The following KCNG2 variants were observed in gnomAD, a reference collection of about 807,000 sequenced individuals.
KCNG2 encodes the protein potassium voltage-gated channel modifier subfamily G member 2.
A neutral mutation model predicts 12.3 loss-of-function variants in KCNG2; 7 were observed. That is an observed-to-expected ratio of 0.57 (90% CI 0.32 to 1.07). The LOEUF (loss-of-function observed/expected upper bound fraction) is 1.07, where lower values mean the gene tolerates loss of function less well. Among genes scored for constraint, KCNG2 ranks in the 50% least tolerant of loss-of-function variants. The pLI is 0.04. For missense variants in KCNG2, 703 were observed against 726.0 expected (o/e 0.97, Z 0.36); for synonymous variants, 414 against 351.4 (o/e 1.18, Z -1.99).
At chr18:79,872,181 T>G (rs1979859256) in intron 3 of KCNG2, among the ~76,000 whole-genome samples, 1 of 132,520 alleles carries the variant, frequency 7.5e-6, no homozygotes, top group Non-Finnish European at 1.6e-5. Flanking sequence ...ACAGATTTGA[T>G]GGGGAAAACA....
chr18:79,874,570 G>C (rs1979991486), intron 3 of KCNG2, among the ~76,000 whole-genome samples: 1 of 152,252 alleles, frequency 6.6e-6, no homozygotes, highest in African/African-American at 2.4e-5. Flanking sequence ...GTGCAAAGCG[G>C]GGGGCCCACC....
At chr18:79,850,185 G>A (rs774831431) in intron 1 of KCNG2, among the ~76,000 whole-genome samples, 1 of 151,830 alleles carries the variant, frequency 6.6e-6, no homozygotes, top group African/African-American at 2.4e-5. Flanking sequence ...CACATGCATG[G>A]ATACATGGAT....
chr18:79,858,070 G>A (rs1280481984), intron 2 of KCNG2, among the ~76,000 whole-genome samples: 3 of 152,140 alleles, frequency 2.0e-5, no homozygotes, highest in Admixed American at 6.5e-5. Flanking sequence ...GCGTGATCTT[G>A]TCTCACTGCA....
rs532936698 is a variant in KCNG2, at chr18:79,802,380, A to G, written c.-115+4366A>G. Among the ~76,000 whole-genome samples, 4 of 151,616 alleles carry G rather than the reference A, an allele frequency of 2.6e-5. No homozygotes were observed. In the East Asian group the frequency reaches 7.8e-4, roughly 29 times the overall value. ...CCGGTCCGGAGAGCCTGGCCTCAAC[A>G]CCTGTCCCAGCCGTGCTGCTCTGGT... On this transcript the variant is annotated intron_variant, in intron 1 of 3. Transcript: ENST00000316249.
In KCNG2 at chr18:79,863,798, A is replaced by C; in HGVS notation, c.131A>C (p.Glu44Ala). The C allele has an allele frequency of 7.6e-7, 1 of 1,309,296 alleles. No homozygotes were observed. Among genetic ancestry groups the C allele is most frequent in the South Asian group, 1.7e-5 (1 of 57,404 alleles). 81.1% of individuals were successfully genotyped at this position (1,309,296 alleles called of 1,614,324 possible). ...ALARCPLARL[E>A]RLRACRGHDD... ...GCGCGATGCCCCCTCGCGCGCCTGGAGCGCCTGCGCGCCTGCCGCGGCCAC... is the reference window on the plus strand; with the variant it reads ...GCGCGATGCCCCCTCGCGCGCCTGGCGCGCCTGCGCGCCTGCCGCGGCCAC... Residue 44 changes from glutamate (E) to alanine (A), a missense_variant, in exon 3 of 4, where the codon GAG becomes GCG. Physicochemically the swap from Glu to Ala is moderately radical, Grantham distance 107. Transcript: ENST00000316249.
intron 2 of KCNG2, among the ~76,000 whole-genome samples, chr18:79,861,000 T>C (rs1419650641): frequency 6.6e-6 from 1 of 152,214 alleles, no homozygotes; most frequent in Non-Finnish European, 1.5e-5. Flanking sequence ...GACCTAGTTA[T>C]TGATTGAGTT....
intron 3 of KCNG2, among the ~76,000 whole-genome samples, chr18:79,870,752 G>A (rs1288790097): frequency 6.6e-6 from 1 of 152,194 alleles, no homozygotes; most frequent in Non-Finnish European, 1.5e-5. Flanking sequence ...ACTGGGATTT[G>A]AAGCATTGAA....
rs142476169 is a variant in KCNG2 at position 79,899,165 on chromosome 18, A to G, written c.750A>G (p.Pro250=). 1.2e-3 allele frequency: 1,991 copies of G among 1,606,352 alleles called. 27 individuals carry two copies. In the African/African-American group the frequency reaches 0.024, roughly 19 times the overall value. ...GCAAGTGCGCCTTCCTGCGCGCGCC[A>G]CTCAACATCATTGACATCCTGGCGC... ...AESKCAFLRA[P]LNIIDILALL... Residue 250 remains proline (P), a synonymous_variant, in exon 4 of 4, where the codon CCA becomes CCG. Coordinates refer to ENST00000316249, the MANE Select transcript of KCNG2 (RefSeq NM_012283.2).
At chr18:79,869,322 C>T (rs777393794) in intron 3 of KCNG2, among the ~76,000 whole-genome samples, 10 of 152,166 alleles carry the variant, frequency 6.6e-5, no homozygotes, top group East Asian at 1.9e-4. Flanking sequence ...CTGCACACGG[C>T]GGGTGCGGAA....
intron 1 of KCNG2, among the ~76,000 whole-genome samples, chr18:79,833,989 A>G (rs1028592878): frequency 1.3e-5 from 2 of 152,256 alleles, no homozygotes; most frequent in African/African-American, 4.8e-5. Context: ...AGCCCAGGCC[A>G]GTAACGTGCA....
intron 1 of KCNG2, among the ~76,000 whole-genome samples, chr18:79,828,424 G>A (rs1978287821): frequency 7.2e-6 from 1 of 138,174 alleles, no homozygotes; most frequent in African/African-American, 2.5e-5. Flanking sequence ...GCATGTTTGG[G>A]TGCATCTGTG....
chr18:79,866,274 A>AGAGG (rs1979537741), intron 3 of KCNG2, among the ~76,000 whole-genome samples: 1 of 88,128 alleles, frequency 1.1e-5, no homozygotes, highest in Non-Finnish European at 2.2e-5. Flanking sequence ...GTGCTGAGAG[A>AGAGG]TCTGTGTGAT....
At chr18:79,825,082 G>C (rs1217694052) in intron 1 of KCNG2, among the ~76,000 whole-genome samples, 8 of 35,026 alleles carry the variant, frequency 2.3e-4, no homozygotes, top group African/African-American at 3.3e-4. Flanking sequence ...AACCTGTCGG[G>C]GCTTAGTGCT....
intron 1 of KCNG2, among the ~76,000 whole-genome samples, chr18:79,799,328 C>T (rs2087389535): frequency 6.6e-6 from 1 of 152,140 alleles, no homozygotes; most frequent in African/African-American, 2.4e-5. Context: ...AGCAGAACCG[C>T]GGAAGAGGGG....
At chr18:79,806,306 G>A (rs2087449311) in intron 1 of KCNG2, among the ~76,000 whole-genome samples, 1 of 151,648 alleles carries the variant, frequency 6.6e-6, no homozygotes, top group Non-Finnish European at 1.5e-5. Context: ...TGTGTCGGGG[G>A]TCGGGGCATG....
In KCNG2 at chr18:79,834,169, G is replaced by A. The variant is rs145725749; in HGVS notation, c.-114-22210G>A. On this transcript the variant is annotated intron_variant, in intron 1 of 3. Transcript: ENST00000316249. ...ACCTGCAGCAAGAGCCCCAGCCAGC[G>A]TCAGAGCGGCTTGGACCAAAGATCA... is the stretch of plus-strand genomic sequence containing the variant. 1.3e-3 allele frequency among the ~76,000 whole-genome samples: 203 copies of A among 152,350 alleles called. No individual in the cohort carries two copies. The South Asian group carries it at 0.018, about 13-fold the overall frequency.
At position 79,803,584 on chromosome 18, in the gene KCNG2, A is replaced by G. The variant is rs757999732; in HGVS notation, c.-115+5570A>G. On this transcript the variant is annotated intron_variant, in intron 1 of 3. Coordinates refer to ENST00000316249, the MANE Select transcript of KCNG2 (RefSeq NM_012283.2). The surrounding 1 kb of genome is among the most constrained non-coding windows in gnomAD (Gnocchi z 4.5). The stretch of plus-strand genomic sequence containing the variant: ...GGGGCCTGTGATTCTGGGGGCTCCG[A>G]TCGTGTTTCTTCCCTGAGAACCTGC... 1.3e-4 allele frequency among the ~76,000 whole-genome samples: 20 copies of G among 152,138 alleles called. No homozygotes were observed. The highest frequency in any genetic ancestry group is 2.6e-4 in the Non-Finnish European group (18 of 68,014).
intron 1 of KCNG2, among the ~76,000 whole-genome samples, chr18:79,811,107 C>T (rs1055168386): frequency 6.6e-6 from 1 of 152,182 alleles, no homozygotes; most frequent in Non-Finnish European, 1.5e-5. Flanking sequence ...AAAGACATCC[C>T]ATGTTCACGG....
chr18:79,863,612 T>C lies in KCNG2; in HGVS notation c.-40-16T>C. On this transcript the variant is annotated splice_polypyrimidine_tract_variant and intron_variant, in intron 2 of 3. Transcript: ENST00000316249. ...CTCAGCCCTCGCGACCCTAACGCGG[T>C]CCGTTCCTTTTGCAGGAGCCGGGCA... 1 of 1,190,064 alleles carries C rather than the reference T, an allele frequency of 8.4e-7. No homozygotes were observed. Among genetic ancestry groups the C allele is most frequent in the Non-Finnish European group, 1.0e-6 (1 of 959,432 alleles). 73.7% of individuals were successfully genotyped at this position (1,190,064 alleles called of 1,614,324 possible). A position where few individuals can be genotyped will look rare whatever the true frequency, so the allele number is the denominator to read the frequency against.
Sources: allele counts gnomAD v4.1 joint callset (sites outside exome capture counted in the v4.1 genomes callset), GRCh38; gene constraint gnomAD v4.1.1; non-coding constraint Gnocchi (gnomAD v3.1); transcripts MANE v1.5; gene names NCBI Gene and HGNC (gene_info 2026-07-23, HGNC 2026-07-21).